The following TTC28 variants were observed in gnomAD, a reference collection of about 807,000 sequenced individuals.
The protein encoded by TTC28 is tetratricopeptide repeat protein 28.
TTC28 carries 61 observed loss-of-function variants against 198.0 expected under a neutral mutation model. That is an observed-to-expected ratio of 0.31 (90% CI 0.25 to 0.38). The LOEUF (loss-of-function observed/expected upper bound fraction) is 0.38, where lower values mean the gene tolerates loss of function less well. Among genes scored for constraint, TTC28 ranks in the 10% least tolerant of loss-of-function variants. The probability of loss-of-function intolerance (pLI) is 1.00; values close to 1 mark genes in which losing one functional copy is unlikely to be tolerated. For synonymous variants in TTC28, 1,171 were observed against 1,297.8 expected, an observed-to-expected ratio of 0.90 and a Z score of 2.10; for missense variants, 2,678 against 3,164.0, an observed-to-expected ratio of 0.85 and a Z score of 3.69.
intron 2 of TTC28, among the ~76,000 whole-genome samples, chr22:28,599,970 A>G (rs896580274): frequency 6.6e-6 from 1 of 152,198 alleles, no homozygotes. Flanking sequence ...TCTTCCTTTC[A>G]ACAAATATTT....
At chr22:28,648,555 C>T (rs759954356) in intron 1 of TTC28, among the ~76,000 whole-genome samples, 1 of 152,192 alleles carries the variant, frequency 6.6e-6, no homozygotes, top group East Asian at 1.9e-4. Flanking sequence ...ATGTTTATTG[C>T]CCCACAATTC....
At chr22:28,463,107 T>G (rs2056766372) in intron 2 of TTC28, among the ~76,000 whole-genome samples, 1 of 151,514 alleles carries the variant, frequency 6.6e-6, no homozygotes, top group African/African-American at 2.4e-5. Flanking sequence ...GCAAGGGGAT[T>G]CCACAGAAGG....
chr22:28,580,990 AAAT>A (rs2050226159), intron 2 of TTC28, among the ~76,000 whole-genome samples: 1 of 152,134 alleles, frequency 6.6e-6, no homozygotes, highest in Non-Finnish European at 1.5e-5. Context: ...TATTTATAAA[AAAT>A]AAAGTAAAAT....
In TTC28 at chr22:28,105,259, C is replaced by T; in HGVS notation, c.3307+20G>A. On this transcript the variant is annotated intron_variant, in intron 8 of 22. Transcript: ENST00000397906. ...TGATTTCAAGTAGGCCAAGAGAACA[C>T]AATGGGCCTTTTCACCTACCTTCCT... is the stretch of plus-strand genomic sequence containing the variant. 6.5e-7 allele frequency: 1 copy of T among 1,545,992 alleles called. No homozygotes were observed.
intron 2 of TTC28, among the ~76,000 whole-genome samples, chr22:28,360,769 T>C (rs2046146414): frequency 1.3e-5 from 2 of 152,226 alleles, no homozygotes; most frequent in African/African-American, 4.8e-5. Flanking sequence ...TTTTTACAAA[T>C]TGAAGTTTTG....
intron 21 of TTC28, 27 bp downstream of exon 21, chr22:27,989,851 C>T (rs1937335675): frequency 1.3e-6 from 2 of 1,540,706 alleles, no homozygotes; most frequent in Non-Finnish European, 8.8e-7. Context: ...TTCAAGAACC[C>T]ATTTAAGTCA....
chr22:28,085,988 T>C (rs1421895977), intron 12 of TTC28, among the ~76,000 whole-genome samples: 1 of 152,104 alleles, frequency 6.6e-6, no homozygotes, highest in Non-Finnish European at 1.5e-5. Flanking sequence ...ATGCACCCAA[T>C]ACAGGAGCAC....
chr22:28,282,229 A>C (rs1342119127), intron 5 of TTC28, among the ~76,000 whole-genome samples: 1 of 152,184 alleles, frequency 6.6e-6, no homozygotes, highest in African/African-American at 2.4e-5. Context: ...TGCTGATATA[A>C]GCGACTTTGC....
chr22:27,991,982 A>T (rs996739484), intron 19 of TTC28, among the ~76,000 whole-genome samples: 1 of 152,230 alleles, frequency 6.6e-6, no homozygotes, highest in Non-Finnish European at 1.5e-5. Context: ...TTGATCAAAG[A>T]AGCGTGGGAA....
chr22:28,595,250 T>C (rs893573601), intron 2 of TTC28, among the ~76,000 whole-genome samples: 8 of 152,164 alleles, frequency 5.3e-5, no homozygotes, highest in South Asian at 2.1e-4. Flanking sequence ...GAGGGCAATA[T>C]TACCACCATC....
intron 5 of TTC28, among the ~76,000 whole-genome samples, chr22:28,243,288 C>T (rs1929819563): frequency 6.7e-6 from 1 of 148,722 alleles, no homozygotes; most frequent in South Asian, 2.1e-4. Context: ...GCCTAGGAGG[C>T]AGAGGTTGCA....
In TTC28 at chr22:28,112,732, G is replaced by A. The variant is rs114912976; in HGVS notation, c.1442-4329C>T. The stretch of plus-strand genomic sequence containing the variant: ...AATCTGCAGATCCTCCTTCCCTTTC[G>A]AGACCACAGCTTGATTTTCCAGGGC... On this transcript the variant is annotated intron_variant, in intron 6 of 22. Transcript: ENST00000397906. Among the ~76,000 whole-genome samples the A allele has an allele frequency of 3.3e-3, 503 of 152,224 alleles. 5 individuals are homozygous for A. Among genetic ancestry groups the A allele is most frequent in the African/African-American group, 0.011 (461 of 41,542 alleles).
chr22:28,112,741 G>T (rs1942521429), intron 6 of TTC28, among the ~76,000 whole-genome samples: 1 of 152,170 alleles, frequency 6.6e-6, no homozygotes, highest in South Asian at 2.1e-4. Flanking sequence ...CGAGACCACA[G>T]CTTGATTTTC....
At chr22:28,515,000 A>G (rs1234025518) in intron 2 of TTC28, among the ~76,000 whole-genome samples, 1 of 152,228 alleles carries the variant, frequency 6.6e-6, no homozygotes, top group Admixed American at 6.5e-5. Context: ...CGAAGTGAAT[A>G]CACACTTGAT....
chr22:28,089,694 A>AT (rs1601607491), intron 12 of TTC28, among the ~76,000 whole-genome samples: 2 of 149,988 alleles, frequency 1.3e-5, no homozygotes, highest in African/African-American at 4.9e-5. Flanking sequence ...ATAAAATAAA[A>AT]AATAAAAAAA....
At chr22:28,018,689 G>A (rs1184570695) in intron 13 of TTC28, among the ~76,000 whole-genome samples, 1 of 152,180 alleles carries the variant, frequency 6.6e-6, no homozygotes, top group East Asian at 1.9e-4. Flanking sequence ...ATAGGCTCAG[G>A]GGCAGGGAAT....
intron 2 of TTC28, among the ~76,000 whole-genome samples, chr22:28,405,665 C>T (rs762699157): frequency 6.6e-6 from 1 of 152,170 alleles, no homozygotes; most frequent in Non-Finnish European, 1.5e-5. Context: ...ATGGAATTTA[C>T]AGGTACTATG....
At chr22:28,276,498 G>A (rs911107397) in intron 5 of TTC28, among the ~76,000 whole-genome samples, 1 of 152,118 alleles carries the variant, frequency 6.6e-6, no homozygotes, top group African/African-American at 2.4e-5. Flanking sequence ...GTAGAGTTAT[G>A]CTACTGCCAA....
chr22:28,303,716 G>A (rs2045073887), intron 3 of TTC28: 1 of 152,466 alleles, frequency 6.6e-6, no homozygotes, highest in African/African-American at 2.4e-5. Context: ...CAAGCACCAG[G>A]ACCAGTTTTC....
Sources: allele counts gnomAD v4.1 joint callset (sites outside exome capture counted in the v4.1 genomes callset), GRCh38; gene constraint gnomAD v4.1.1; transcripts MANE v1.5; gene names NCBI Gene and HGNC (gene_info 2026-07-23, HGNC 2026-07-21).